The following NSD3 variants were observed in gnomAD, a reference collection of about 807,000 sequenced individuals.
NSD3 encodes nuclear receptor binding SET domain protein 3, also known as histone-lysine N-methyltransferase NSD3.
Under a neutral mutation model 160.8 loss-of-function variants are expected in NSD3, and 24 were observed. That is an observed-to-expected ratio of 0.15 (90% CI 0.11 to 0.21). The LOEUF (loss-of-function observed/expected upper bound fraction) is 0.21. NSD3 is among the 10% of genes least tolerant of loss of function. The pLI, the probability that NSD3 is intolerant of heterozygous loss-of-function variation, is 1.00. For synonymous variants in NSD3, 520 were observed against 600.0 expected (o/e 0.87, Z 1.95); for missense variants, 1,157 against 1,735.9 (o/e 0.67, Z 5.93).
At position 38,272,656 on chromosome 8, in the gene NSD3, C is replaced by T. The variant is rs1808510622; in HGVS notation, c.*2985G>A. The T allele has an allele frequency of 6.6e-6, 1 of 152,224 alleles. No individual in the cohort carries two copies. The highest frequency in any genetic ancestry group is 2.1e-4 in the South Asian group (1 of 4,836). 9.4% of individuals were successfully genotyped at this position (152,224 alleles called of 1,614,324 possible). On this transcript the variant is annotated 3_prime_UTR_variant, in exon 24 of 24. Coordinates refer to ENST00000317025, the MANE Select transcript of NSD3 (RefSeq NM_023034.2). The stretch of plus-strand genomic sequence containing the variant: ...TTCACTTCTTCCTTCAACAAATTAA[C>T]ATGTGGTTAAAAAAAATACCACCAT...
chr8:38,382,227 G>GGCCGCC lies in NSD3; in HGVS notation c.-479_-474dup, dbSNP rs567690624. The GGCCGCC allele has an allele frequency of 5.9e-6, 1 of 170,172 alleles. No individual in the cohort carries two copies. Among genetic ancestry groups the GGCCGCC allele is most frequent in the African/African-American group, 2.4e-5 (1 of 41,560 alleles). 10.5% of individuals were successfully genotyped at this position (170,172 alleles called of 1,614,324 possible). On this transcript the variant is annotated 5_prime_UTR_variant, in exon 1 of 24. Coordinates refer to ENST00000317025, the MANE Select transcript of NSD3 (RefSeq NM_023034.2). This position sits in a 1 kb window ranked among gnomAD's most constrained non-coding sequence, Gnocchi z 4.2. ...CCCCCTCGGCCTCCGCCTCCGTGCT[G>GGCCGCC]GCCGCCGCCGCCGCCTCTCCCGCCG...
At chr8:38,347,404 T>G in intron 2 of NSD3, 93 bp downstream of exon 2, 1 of 1,329,162 alleles carries the variant, frequency 7.5e-7, no homozygotes, top group Non-Finnish European at 1.0e-6. Flanking sequence ...TCAGACAGAT[T>G]CATATTTAAA....
At chr8:38,312,193 G>A (rs552501484) in intron 12 of NSD3, among the ~76,000 whole-genome samples, 1 of 152,216 alleles carries the variant, frequency 6.6e-6, no homozygotes, top group Non-Finnish European at 1.5e-5. Context: ...CTGTAGCTTT[G>A]TAGTATACTT....
At position 38,278,032 on chromosome 8, in the gene NSD3, G is replaced by A. The variant is rs988310893; in HGVS notation, c.3867+274C>T. On this transcript the variant is annotated intron_variant, in intron 22 of 23. Transcript: ENST00000317025. ...TGGCTCACTGCAAGCTCCGCATCCCGGGTTCACGCCATTCTCCTGCCTCAG... is the reference window on the plus strand; with the variant it reads ...TGGCTCACTGCAAGCTCCGCATCCCAGGTTCACGCCATTCTCCTGCCTCAG... Among the ~76,000 whole-genome samples the A allele has an allele frequency of 2.0e-5, 3 of 151,198 alleles. No individual in the cohort carries two copies. The South Asian group carries it at 6.3e-4, about 32-fold the overall frequency.
At chr8:38,303,563 T>C (rs1200895810) in intron 14 of NSD3, among the ~76,000 whole-genome samples, 4 of 152,244 alleles carry the variant, frequency 2.6e-5, no homozygotes, top group Non-Finnish European at 5.9e-5. Context: ...AGTAATGTTT[T>C]CATAATGAGA....
rs1231031523 is a variant in NSD3, at chr8:38,271,676, C to T, written c.*3965G>A. Reference sequence around the variant, plus strand: ...CAATTCATGTCTGCACCAACTTGGACAACTGGGGGAGGCTGGATGCATCAG... The same window carrying T: ...CAATTCATGTCTGCACCAACTTGGATAACTGGGGGAGGCTGGATGCATCAG... On this transcript the variant is annotated 3_prime_UTR_variant, in exon 24 of 24. Transcript: ENST00000317025. 1 of 152,186 alleles carries T rather than the reference C, an allele frequency of 6.6e-6. No individual in the cohort carries two copies. The highest frequency in any genetic ancestry group is 1.5e-5 in the Non-Finnish European group (1 of 68,038). 9.4% of individuals were successfully genotyped at this position (152,186 alleles called of 1,614,324 possible). A position where few individuals can be genotyped will look rare whatever the true frequency, so the allele number is the denominator to read the frequency against.
Position 38,329,905 on chromosome 8 carries a change from A to G in NSD3, c.1066-12T>C, listed in dbSNP as rs755004329. Reference sequence around the variant, plus strand: ...CGGGGTTTCCGAATCTTTAAAAAAGATAGAGATTATCAGACATGCTTTACT... The same window carrying G: ...CGGGGTTTCCGAATCTTTAAAAAAGGTAGAGATTATCAGACATGCTTTACT... On this transcript the variant is annotated splice_polypyrimidine_tract_variant and intron_variant, in intron 5 of 23. Coordinates refer to ENST00000317025, the MANE Select transcript of NSD3 (RefSeq NM_023034.2). The surrounding 1 kb of genome is among the most constrained non-coding windows in gnomAD (Gnocchi z 4.8). 6.4e-7 allele frequency: 1 copy of G among 1,556,776 alleles called. No homozygotes were observed. Among genetic ancestry groups the G allele is most frequent in the East Asian group, 2.2e-5 (1 of 44,452 alleles).
intron 1 of NSD3, among the ~76,000 whole-genome samples, chr8:38,366,168 A>G (rs1441908653): frequency 6.6e-6 from 1 of 151,616 alleles, no homozygotes; most frequent in Non-Finnish European, 1.5e-5. Context: ...TATTTAAATC[A>G]TTTTGTTGGT....
chr8:38,298,941 C>T (rs907771954), intron 15 of NSD3, among the ~76,000 whole-genome samples: 5 of 152,206 alleles, frequency 3.3e-5, no homozygotes, highest in Admixed American at 2.0e-4. Flanking sequence ...AACTAGTTTT[C>T]ATAGCATCTT....
At chr8:38,289,876 A>C (rs1246360260) in intron 17 of NSD3, among the ~76,000 whole-genome samples, 1 of 152,208 alleles carries the variant, frequency 6.6e-6, no homozygotes, top group Non-Finnish European at 1.5e-5. Flanking sequence ...TTTCATGGCA[A>C]GTCTTTACTA....
intron 1 of NSD3, among the ~76,000 whole-genome samples, chr8:38,369,545 T>C (rs1321694552): frequency 6.6e-6 from 1 of 152,216 alleles, no homozygotes; most frequent in East Asian, 1.9e-4. Flanking sequence ...TAAAGACTAG[T>C]TCATTTTGTG....
chr8:38,323,997 A>G (rs1192467936), intron 7 of NSD3, among the ~76,000 whole-genome samples: 1 of 152,194 alleles, frequency 6.6e-6, no homozygotes, highest in Non-Finnish European at 1.5e-5. Context: ...TCCCATTTAA[A>G]TTCAGACAAA....
Position 38,305,267 on chromosome 8 carries a change from A to C in NSD3, c.2421T>G (p.Asp807Glu), listed in dbSNP as rs1809369556. ...TTTTACCTTTACTTGCTTTGTGGATATCTTTCTCCATAGAGCAGGCAGAGC... is the reference window on the plus strand; with the variant it reads ...TTTTACCTTTACTTGCTTTGTGGATCTCTTTCTCCATAGAGCAGGCAGAGC... Reference protein sequence around the residue: ...HCCSACSMEKDIHKASKGRMM... With the variant: ...HCCSACSMEKEIHKASKGRMM... The change falls in exon 13 of 24, where the codon GAT becomes GAG. Residue 807 changes from aspartate (D) to glutamate (E), a missense_variant. This residue lies in a region of NSD3 where 437 missense variants were observed against 576.6 expected (regional missense o/e 0.76). Coordinates refer to ENST00000317025, the MANE Select transcript of NSD3 (RefSeq NM_023034.2). The C allele has an allele frequency of 1.9e-6, 3 of 1,613,998 alleles. No individual in the cohort carries two copies. Among genetic ancestry groups the C allele is most frequent in the Non-Finnish European group, 2.5e-6 (3 of 1,180,008 alleles).
chr8:38,288,415 T>G lies in NSD3; in HGVS notation c.3501+72A>C. On this transcript the variant is annotated intron_variant, in intron 19 of 23. Coordinates refer to ENST00000317025, the MANE Select transcript of NSD3 (RefSeq NM_023034.2). The surrounding 1 kb of genome is among the most constrained non-coding windows in gnomAD (Gnocchi z 4.5). ...TTCCTGCTGATTTTATCCCTAGAAC[T>G]ATACCCTACTGAAGCATTCCTGAAA... The G allele has an allele frequency of 6.5e-7, 1 of 1,548,458 alleles. No homozygotes were observed. The highest frequency in any genetic ancestry group is 8.7e-7 in the Non-Finnish European group (1 of 1,146,066).
chr8:38,278,257 CCTA>C lies in NSD3; in HGVS notation c.3867+46_3867+48del, dbSNP rs752351669. On this transcript the variant is annotated intron_variant, in intron 22 of 23. Coordinates refer to ENST00000317025, the MANE Select transcript of NSD3 (RefSeq NM_023034.2). Reference sequence around the variant, plus strand: ...CCGGCCAAACAGACTTCTTAACAGCCCTACTCCTTATCGCCTGTTGACTGGGGG... The same window carrying C: ...CCGGCCAAACAGACTTCTTAACAGCCCTCCTTATCGCCTGTTGACTGGGGG... The C allele has an allele frequency of 3.2e-6, 5 of 1,563,076 alleles. No individual in the cohort carries two copies. The Admixed American group carries it at 8.6e-5, about 27-fold the overall frequency.
At chr8:38,285,950 T>G (rs1232825024) in intron 19 of NSD3, among the ~76,000 whole-genome samples, 1 of 152,212 alleles carries the variant, frequency 6.6e-6, no homozygotes, top group African/African-American at 2.4e-5. Flanking sequence ...CCTTATCATA[T>G]GTTCTCCATA....
In NSD3 at chr8:38,318,928, G is replaced by A; in HGVS notation, c.1822C>T (p.Pro608Ser). The change falls in exon 9 of 24, where the codon CCT becomes TCT. Residue 608 changes from proline to serine, a missense_variant. Transcript: ENST00000317025. This position sits in a 1 kb window ranked among gnomAD's most constrained non-coding sequence, Gnocchi z 5.3. ...KIKKEQVETVPQATVKTGLQK... is the reference protein window; with the variant it reads ...KIKKEQVETVSQATVKTGLQK... ...AATCCAGTCTTCACTGTAGCCTGAG[G>A]AACTGTTTCAACCTGTTTGGACAGA... The A allele has an allele frequency of 1.2e-6, 2 of 1,610,760 alleles. No homozygotes were observed. Among genetic ancestry groups the A allele is most frequent in the Non-Finnish European group, 1.7e-6 (2 of 1,178,974 alleles).
intron 14 of NSD3, among the ~76,000 whole-genome samples, chr8:38,300,736 G>A (rs1048656253): frequency 6.6e-6 from 1 of 152,258 alleles, no homozygotes; most frequent in African/African-American, 2.4e-5. Context: ...GAGACCAGGG[G>A]ACATTTCTCT....
chr8:38,358,566 A>C (rs765772966), intron 1 of NSD3, among the ~76,000 whole-genome samples: 1 of 152,170 alleles, frequency 6.6e-6, no homozygotes, highest in Non-Finnish European at 1.5e-5. Flanking sequence ...AATTTTTTTT[A>C]AGATACATAA....
Sources: allele counts gnomAD v4.1 joint callset (sites outside exome capture counted in the v4.1 genomes callset), GRCh38; gene constraint gnomAD v4.1.1; regional missense constraint gnomAD v4.1.1; non-coding constraint Gnocchi (gnomAD v3.1); transcripts MANE v1.5; gene names NCBI Gene and HGNC (gene_info 2026-07-23, HGNC 2026-07-21).